Variants in NAV1 observed in about 807,000 individuals in gnomAD.
NAV1 encodes the protein neuron navigator 1.
A neutral mutation model predicts 175.2 loss-of-function variants in NAV1; 18 were observed. The ratio of observed to expected loss-of-function variants is 0.10; its 90% confidence interval spans 0.07 to 0.15. The LOEUF (loss-of-function observed/expected upper bound fraction) is 0.15, where lower values mean the gene tolerates loss of function less well. Among genes scored for constraint, NAV1 ranks in the 10% least tolerant of loss-of-function variants. NAV1 has a pLI of 1.00. For missense variants in NAV1, 1,731 were observed against 2,436.6 expected, an observed-to-expected ratio of 0.71 and a Z score of 6.10; for synonymous variants, 897 against 978.7, an observed-to-expected ratio of 0.92 and a Z score of 1.56.
At chr1:201,635,854 G>A (rs1240444327) in intron 2 of NAV1, among the ~76,000 whole-genome samples, 1 of 152,192 alleles carries the variant, frequency 6.6e-6, no homozygotes, top group East Asian at 1.9e-4. Context: ...GCCATGGACA[G>A]GTTCTGGGAA....
chr1:201,630,197 G>T (rs1322830158), intron 2 of NAV1, among the ~76,000 whole-genome samples: 1 of 152,192 alleles, frequency 6.6e-6, no homozygotes, highest in Non-Finnish European at 1.5e-5. Context: ...TTACGGACGT[G>T]TGCTGATTTT....
At chr1:201,727,190 A>T (rs1672643797) in intron 3 of NAV1, among the ~76,000 whole-genome samples, 1 of 152,218 alleles carries the variant, frequency 6.6e-6, no homozygotes, top group African/African-American at 2.4e-5. Context: ...GCTCTCCTTC[A>T]TCAGCCATTT....
intron 2 of NAV1, among the ~76,000 whole-genome samples, chr1:201,641,422 C>T (rs1558030840): frequency 1.3e-5 from 2 of 152,180 alleles, no homozygotes; most frequent in South Asian, 4.1e-4. Context: ...ACTCTCTGCT[C>T]CCAGCCTACC....
exon 29 of NAV1, chr1:201,817,093 T>C: frequency 1.2e-6 from 2 of 1,614,066 alleles, no homozygotes; most frequent in Non-Finnish European, 1.7e-6. Flanking sequence ...TCCAGGTCCA[T>C]GGACAGAAAG....
intron 1 of NAV1, among the ~76,000 whole-genome samples, chr1:201,652,453 G>A (rs541531043): frequency 5.3e-4 from 81 of 152,312 alleles, no homozygotes; most frequent in African/African-American, 1.8e-3. Context: ...GGAAGACTGA[G>A]GAGTGAGTAC....
intron 2 of NAV1, among the ~76,000 whole-genome samples, chr1:201,616,907 A>G (rs1184135088): frequency 1.3e-5 from 2 of 152,132 alleles, no homozygotes; most frequent in Non-Finnish European, 2.9e-5. Context: ...CAGCCATTGC[A>G]ATTGCCACAG....
At chr1:201,784,568 T>A (rs12755308) in intron 7 of NAV1, among the ~76,000 whole-genome samples, 43,687 of 132,840 alleles carry the variant, frequency 0.33, 7,852 homozygotes, top group Middle Eastern at 0.48. Context: ...TAATACGATC[T>A]ATTTTTTTTT....
chr1:201,696,716 T>C (rs984940212), intron 1 of NAV1, among the ~76,000 whole-genome samples: 3 of 152,178 alleles, frequency 2.0e-5, no homozygotes, highest in Admixed American at 2.0e-4. Context: ...TGGTCATGTA[T>C]CATTCATTTT....
At chr1:201,756,825 TTTCTTTCTTTCTTTCTTTCTTTC>T (rs1674511857) in intron 3 of NAV1, among the ~76,000 whole-genome samples, 1 of 24,748 alleles carries the variant, frequency 4.0e-5, no homozygotes, top group Non-Finnish European at 2.0e-4. Flanking sequence ...TCTTTCTTTC[TTTCTTTCTTTCTTTCTTTCTTTC>T]TTTCTTTCTT....
chr1:201,793,619 G>T, intron 13 of NAV1, 173 bp from the exon 18 acceptor site: 2 of 600,958 alleles, frequency 3.3e-6, no homozygotes, highest in East Asian at 3.0e-5. Flanking sequence ...AAATTTCTTT[G>T]ATTTCCCCTT....
At position 201,825,152 on chromosome 1, in the gene NAV1, G is replaced by T. The variant is rs1679602957; in HGVS notation, c.*5220G>T. 1.3e-5 allele frequency: 2 copies of T among 152,120 alleles called. 1 individual carries two copies. The highest frequency in any genetic ancestry group is 4.1e-4 in the South Asian group (2 of 4,834). 9.4% of individuals were successfully genotyped at this position (152,120 alleles called of 1,614,324 possible). ...TTGGGTGGAAGTTAGGAGAATGTTT[G>T]TGTCTTTCCTAGTTGAATACAACCT... On this transcript the variant is annotated 3_prime_UTR_variant, in exon 30 of 30. Coordinates refer to ENST00000367296, the Ensembl canonical transcript of NAV1.
chr1:201,596,304 A>G (rs1667345972), intron 2 of NAV1, among the ~76,000 whole-genome samples: 1 of 152,200 alleles, frequency 6.6e-6, no homozygotes, highest in African/African-American at 2.4e-5. Context: ...ACCTTCGTGT[A>G]TCTCTCATTA....
intron 1 of NAV1, among the ~76,000 whole-genome samples, chr1:201,701,421 TA>T (rs869188724): frequency 2.7e-4 from 17 of 63,398 alleles, no homozygotes; most frequent in East Asian, 5.5e-4. Context: ...ATAAAAAAAA[TA>T]AAAAAAGAAA....
At chr1:201,736,677 T>C (rs1673125084) in intron 3 of NAV1, among the ~76,000 whole-genome samples, 1 of 152,190 alleles carries the variant, frequency 6.6e-6, no homozygotes, top group Admixed American at 6.5e-5. Context: ...GGACTTTCTA[T>C]GCCTCAGTTT....
At chr1:201,586,537 C>A (rs1390086265) in intron 1 of NAV1, among the ~76,000 whole-genome samples, 2 of 152,046 alleles carry the variant, frequency 1.3e-5, no homozygotes, top group Non-Finnish European at 2.9e-5. Context: ...AATCAAGGGG[C>A]TCAGGTTGGT....
chr1:201,666,867 C>A (rs1298102724), intron 1 of NAV1, among the ~76,000 whole-genome samples: 1 of 152,126 alleles, frequency 6.6e-6, no homozygotes, highest in Non-Finnish European at 1.5e-5. Flanking sequence ...TTGGCAGAAC[C>A]AGCAGGCAGC....
chr1:201,767,305 G>A (rs1388954545), intron 3 of NAV1, among the ~76,000 whole-genome samples: 1 of 151,644 alleles, frequency 6.6e-6, no homozygotes, highest in East Asian at 2.0e-4. Flanking sequence ...CCAAAAATTA[G>A]CTGGGCATGG....
At chr1:201,757,865 G>A (rs1674610872) in intron 3 of NAV1, among the ~76,000 whole-genome samples, 1 of 152,240 alleles carries the variant, frequency 6.6e-6, no homozygotes, top group Non-Finnish European at 1.5e-5. Flanking sequence ...CCTAGTTGCG[G>A]TGGAATGAGA....
At chr1:201,632,133 C>G (rs10920221) in intron 2 of NAV1, among the ~76,000 whole-genome samples, 46,442 of 152,032 alleles carry the variant, frequency 0.31, 7,847 homozygotes, top group African/African-American at 0.45. Context: ...AGTCTTTGAG[C>G]GGAGCAGGAG....
Sources: allele counts gnomAD v4.1 joint callset (sites outside exome capture counted in the v4.1 genomes callset), GRCh38; gene constraint gnomAD v4.1.1; transcripts MANE v1.5; gene names NCBI Gene and HGNC (gene_info 2026-07-23, HGNC 2026-07-21).